Variants in MTTP observed in about 807,000 individuals in gnomAD.
MTTP encodes microsomal triglyceride transfer protein, also known as microsomal triglyceride transfer protein large subunit.
A neutral mutation model predicts 90.6 loss-of-function variants in MTTP; 49 were observed. The ratio of observed to expected loss-of-function variants is 0.54; its 90% CI spans 0.43 to 0.69. MTTP has a LOEUF of 0.69. MTTP is among the 30% of genes least tolerant of loss of function. The pLI, the probability that MTTP is intolerant of heterozygous loss-of-function variation, is 0.00. For missense variants in MTTP, 945 were observed against 1,067.5 expected, an observed-to-expected ratio of 0.89 and a Z score of 1.60; for synonymous variants, 347 against 384.2, an observed-to-expected ratio of 0.90 and a Z score of 1.13.
chr4:99,622,909 C>A lies in MTTP; in HGVS notation c.*61C>A. On this transcript the variant is annotated 3_prime_UTR_variant, in exon 18 of 18. Coordinates refer to ENST00000265517, the MANE Select transcript of MTTP (RefSeq NM_001386140.1). ...CCGAAAGGGACACAATGTGGCATGA[C>A]TAAGTACTTGCTCTCTGAGAGCACA... 6.6e-7 allele frequency: 1 copy of A among 1,526,132 alleles called. No homozygotes were observed. Among genetic ancestry groups the A allele is most frequent in the Non-Finnish European group, 9.1e-7 (1 of 1,100,322 alleles). 94.5% of individuals were successfully genotyped at this position (1,526,132 alleles called of 1,614,324 possible). A position where few individuals can be genotyped will look rare whatever the true frequency, so the allele number is the denominator to read the frequency against.
chr4:99,579,991 G>T (rs1313312928), intron 1 of MTTP, among the ~76,000 whole-genome samples: 1 of 144,052 alleles, frequency 6.9e-6, no homozygotes, highest in Non-Finnish European at 1.5e-5. Flanking sequence ...AGCCGAGATC[G>T]CATGACTGCA....
chr4:99,566,422 G>T (rs1233043789), intron 1 of MTTP, among the ~76,000 whole-genome samples: 1 of 152,074 alleles, frequency 6.6e-6, no homozygotes, highest in Non-Finnish European at 1.5e-5. Context: ...GCACATACTT[G>T]TAGTTTAAGC....
upstream of MTTP, among the ~76,000 whole-genome samples, chr4:99,571,257 ATTG>A (rs1258324127): frequency 6.6e-6 from 1 of 151,976 alleles, no homozygotes; most frequent in Non-Finnish European, 1.5e-5. Context: ...CATAAATGTA[ATTG>A]TTGTATCGTA....
In MTTP at chr4:99,565,534, A is replaced by G. The variant is rs900590022; in HGVS notation, c.-102+1297A>G. Among the ~76,000 whole-genome samples the G allele has an allele frequency of 3.3e-5, 5 of 152,150 alleles. No individual in the cohort carries two copies. In the South Asian group the frequency reaches 1.0e-3, roughly 32 times the overall value. ...TTTCATTGATTTGTAAAATTTATGT[A>G]TTTATTTATTTGACACATGTATCGA... is the stretch of plus-strand genomic sequence containing the variant. On this transcript the variant is annotated intron_variant, in intron 1 of 18. Transcript: ENST00000457717.
At chr4:99,605,911 G>T (rs71619723) in intron 10 of MTTP, among the ~76,000 whole-genome samples, 10,574 of 147,846 alleles carry the variant, frequency 0.072, 607 homozygotes, top group African/African-American at 0.16. Context: ...GTGTGTTTGT[G>T]TGTGCTTGTA....
At chr4:99,567,187 C>T (rs764002774) in intron 1 of MTTP, among the ~76,000 whole-genome samples, 1 of 152,090 alleles carries the variant, frequency 6.6e-6, no homozygotes, top group African/African-American at 2.4e-5. Context: ...TATCCTCCCA[C>T]GTAATATATG....
chr4:99,588,982 C>T (rs1220614576), intron 3 of MTTP, among the ~76,000 whole-genome samples: 18 of 23,486 alleles, frequency 7.7e-4, no homozygotes, highest in Non-Finnish European at 1.1e-3. Context: ...TATATACACA[C>T]ATATATATAT....
rs367728531 is a variant in MTTP at position 99,587,371 on chromosome 4, A to AT, written c.394-2272_394-2271insT. Among the ~76,000 whole-genome samples the AT allele has an allele frequency of 3.1e-3, 469 of 152,264 alleles. 3 individuals are homozygous for AT. The highest frequency in any genetic ancestry group is 0.01 in the African/African-American group (433 of 41,562). On this transcript the variant is annotated intron_variant, in intron 3 of 17. Transcript: ENST00000265517. The stretch of plus-strand genomic sequence containing the variant: ...AAAACTAATAGAAAGGATTAAAAAA[A>AT]CTTTTTTCATTGTGTTTCACAGTTT...
intron 11 of MTTP, among the ~76,000 whole-genome samples, chr4:99,608,220 G>C (rs777196156): frequency 2.0e-5 from 3 of 152,148 alleles, no homozygotes; most frequent in African/African-American, 4.8e-5. Flanking sequence ...GCCGAGGCGG[G>C]TGGATCACGA....
intron 3 of MTTP, 86 bp from the exon 4 acceptor site, chr4:99,589,557 G>C (rs1725361699): frequency 3.8e-6 from 3 of 791,258 alleles, no homozygotes; most frequent in African/African-American, 1.7e-5. Flanking sequence ...ATACAGGTAA[G>C]AATCTGACCT....
intron 1 of MTTP, among the ~76,000 whole-genome samples, chr4:99,576,857 CAT>C (rs1207336569): frequency 1.3e-5 from 2 of 152,116 alleles, no homozygotes; most frequent in African/African-American, 4.8e-5. Context: ...AAGCTTGAAA[CAT>C]ATATAATTTA....
intron 1 of MTTP, chr4:99,564,458 AT>A: frequency 2.0e-6 from 1 of 500,726 alleles, no homozygotes; most frequent in Non-Finnish European, 3.5e-6. Flanking sequence ...ATGCATTTAA[AT>A]TTAGAATCTG....
intron 8 of MTTP, among the ~76,000 whole-genome samples, chr4:99,599,683 G>A (rs1725648741): frequency 6.6e-6 from 1 of 152,252 alleles, no homozygotes; most frequent in African/African-American, 2.4e-5. Flanking sequence ...AGAACTTAGA[G>A]ATTAGACACA....
At chr4:99,579,527 G>A (rs961273549) in intron 1 of MTTP, among the ~76,000 whole-genome samples, 11 of 152,116 alleles carry the variant, frequency 7.2e-5, no homozygotes, top group Admixed American at 1.3e-4. Context: ...GAAAACCTTT[G>A]TCCAAAATGT....
chr4:99,621,474 C>T (rs1355090577), intron 17 of MTTP, among the ~76,000 whole-genome samples: 1 of 151,994 alleles, frequency 6.6e-6, no homozygotes, highest in Non-Finnish European at 1.5e-5. Context: ...TATTCTAATC[C>T]AGAAACAATT....
chr4:99,575,580 C>G (rs1417145497), intron 1 of MTTP, among the ~76,000 whole-genome samples: 2 of 152,082 alleles, frequency 1.3e-5, no homozygotes, highest in Non-Finnish European at 2.9e-5. Flanking sequence ...AATAATGTTG[C>G]TACTTACAGT....
chr4:99,600,427 A>C (rs901707600), intron 8 of MTTP, 138 bp from the exon 9 acceptor site: 2 of 891,652 alleles, frequency 2.2e-6, no homozygotes, highest in African/African-American at 1.7e-5. Context: ...AGTCTTAATC[A>C]TTTTTTCATT....
intron 7 of MTTP, among the ~76,000 whole-genome samples, chr4:99,595,132 T>C (rs1361771723): frequency 6.6e-6 from 1 of 152,158 alleles, no homozygotes; most frequent in Non-Finnish European, 1.5e-5. Context: ...ATAAGTCACA[T>C]CTAGAATTCA....
chr4:99,571,426 T>A (rs1724840286), upstream of MTTP, among the ~76,000 whole-genome samples: 1 of 151,968 alleles, frequency 6.6e-6, no homozygotes, highest in East Asian at 1.9e-4. Context: ...ATCAATTCTC[T>A]CCTTTAAATG....
Sources: gnomAD v4.1 joint callset for allele counts (sites outside exome capture counted in the v4.1 genomes callset) on GRCh38, gnomAD v4.1.1 for gene constraint, MANE v1.5 for transcripts, NCBI Gene and HGNC (gene_info 2026-07-23, HGNC 2026-07-21) for gene names.